Variants in DLGAP2 observed in about 807,000 individuals in gnomAD.
DLGAP2 encodes DLG associated protein 2.
Under a neutral mutation model 100.3 loss-of-function variants are expected in DLGAP2, and 26 were observed. The ratio of observed to expected loss-of-function variants is 0.26; its 90% CI spans 0.19 to 0.36. The LOEUF is 0.36. DLGAP2 is among the 10% of genes least tolerant of loss of function. DLGAP2 has a pLI of 1.00. For missense variants in DLGAP2, 1,858 were observed against 1,453.2 expected, an observed-to-expected ratio of 1.28 and a Z score of -4.53; for synonymous variants, 886 against 630.1, an observed-to-expected ratio of 1.41 and a Z score of -6.08.
intron 2 of DLGAP2, among the ~76,000 whole-genome samples, chr8:1,122,311 C>T (rs746364712): frequency 6.6e-5 from 10 of 152,146 alleles, no homozygotes; most frequent in Non-Finnish European, 1.3e-4. Context: ...ATCCTCTGGT[C>T]AGGACTGAAA....
At chr8:1,431,328 G>C (rs1212758355) in intron 3 of DLGAP2, among the ~76,000 whole-genome samples, 1 of 152,182 alleles carries the variant, frequency 6.6e-6, no homozygotes, top group Non-Finnish European at 1.5e-5. Flanking sequence ...TTTAGTAATA[G>C]AGTAGGGGCT....
intron 1 of DLGAP2, among the ~76,000 whole-genome samples, chr8:824,369 G>T (rs1396762641): frequency 6.6e-6 from 1 of 152,102 alleles, no homozygotes; most frequent in Non-Finnish European, 1.5e-5. Context: ...AGCCCACCAT[G>T]CCCGGGCACA....
chr8:1,059,701 C>T (rs1023069627), intron 2 of DLGAP2, among the ~76,000 whole-genome samples: 3 of 152,114 alleles, frequency 2.0e-5, no homozygotes, highest in Admixed American at 6.5e-5. Context: ...TGGACCAAGG[C>T]GCCCTCTTTG....
chr8:1,298,356 T>G (rs1180095554), intron 3 of DLGAP2, among the ~76,000 whole-genome samples: 1 of 152,144 alleles, frequency 6.6e-6, no homozygotes, highest in Non-Finnish European at 1.5e-5. Flanking sequence ...GCCGCGTCCT[T>G]CCACATGATG....
At chr8:1,144,520 C>G (rs1315906424) in intron 2 of DLGAP2, among the ~76,000 whole-genome samples, 2 of 152,202 alleles carry the variant, frequency 1.3e-5, no homozygotes, top group African/African-American at 2.4e-5. Context: ...ACAAAAGATT[C>G]TTGCTTTGTC....
At chr8:1,665,258 G>A (rs1798515411) in intron 8 of DLGAP2, among the ~76,000 whole-genome samples, 1 of 152,176 alleles carries the variant, frequency 6.6e-6, no homozygotes, top group Non-Finnish European at 1.5e-5. Flanking sequence ...AGTGAGGTCT[G>A]TGATTTTGAA....
chr8:1,033,838 G>A (rs34849077), intron 2 of DLGAP2, among the ~76,000 whole-genome samples: 189 of 49,972 alleles, frequency 3.8e-3, no homozygotes, highest in Middle Eastern at 0.014. Flanking sequence ...GCTCATCCCG[G>A]CCCCGCGTGT....
intron 3 of DLGAP2, among the ~76,000 whole-genome samples, chr8:1,386,963 A>C (rs1796235041): frequency 1.3e-5 from 2 of 152,240 alleles, no homozygotes; most frequent in African/African-American, 4.8e-5. Flanking sequence ...ATAATAGCTC[A>C]TTATGCAGAT....
chr8:1,249,099 G>T (rs1344097924), intron 2 of DLGAP2, among the ~76,000 whole-genome samples: 2 of 152,166 alleles, frequency 1.3e-5, no homozygotes, highest in East Asian at 3.9e-4. Context: ...AGTTCAACAC[G>T]AGTGTCCTGC....
intron 6 of DLGAP2, among the ~76,000 whole-genome samples, chr8:1,592,561 G>T (rs991385182): frequency 6.6e-6 from 1 of 152,020 alleles, no homozygotes; most frequent in African/African-American, 2.4e-5. Context: ...TCCTAGTCCA[G>T]CCGAGGGGGT....
intron 1 of DLGAP2, among the ~76,000 whole-genome samples, chr8:793,461 G>A (rs986844062): frequency 2.0e-5 from 3 of 152,210 alleles, no homozygotes; most frequent in African/African-American, 7.2e-5. Context: ...GGCTGCCATA[G>A]TCTGGGCTGG....
chr8:1,372,014 G>A (rs1474510229), intron 3 of DLGAP2, among the ~76,000 whole-genome samples: 1 of 152,246 alleles, frequency 6.6e-6, no homozygotes, highest in African/African-American at 2.4e-5. Flanking sequence ...GGTCAACTTA[G>A]TGGTGCAGCC....
At chr8:825,685 T>A (rs957741060) in intron 1 of DLGAP2, among the ~76,000 whole-genome samples, 6 of 152,230 alleles carry the variant, frequency 3.9e-5, no homozygotes, top group African/African-American at 1.4e-4. Flanking sequence ...TCTCATTGAT[T>A]TTCTTTTTTA....
chr8:1,255,950 C>T (rs1180482674), intron 2 of DLGAP2, among the ~76,000 whole-genome samples: 1 of 120,330 alleles, frequency 8.3e-6, no homozygotes, highest in Non-Finnish European at 1.6e-5. Flanking sequence ...TGCCTGGGTG[C>T]TGTGTGTGTG....
At chr8:1,263,726 T>TATTG (rs1799396945) in intron 3 of DLGAP2, among the ~76,000 whole-genome samples, 1 of 152,188 alleles carries the variant, frequency 6.6e-6, no homozygotes, top group African/African-American at 2.4e-5. Flanking sequence ...TGAAATTGCA[T>TATTG]ATTGAAGAGC....
At chr8:1,195,965 G>T (rs1797741300) in intron 2 of DLGAP2, among the ~76,000 whole-genome samples, 1 of 152,182 alleles carries the variant, frequency 6.6e-6, no homozygotes, top group Non-Finnish European at 1.5e-5. Context: ...TCCATGTTTG[G>T]ATTGTCACAC....
At chr8:1,166,449 G>A (rs1563226004) in intron 2 of DLGAP2, among the ~76,000 whole-genome samples, 1 of 152,198 alleles carries the variant, frequency 6.6e-6, no homozygotes, top group Non-Finnish European at 1.5e-5. Context: ...TCTCCAGGAA[G>A]GAGTGGGCAG....
intron 3 of DLGAP2, among the ~76,000 whole-genome samples, chr8:1,285,831 T>A (rs1179399830): frequency 6.6e-6 from 1 of 152,120 alleles, no homozygotes; most frequent in Non-Finnish European, 1.5e-5. Flanking sequence ...GAGCTGGGCG[T>A]AGTGGCACAC....
At chr8:1,078,192 A>C (rs1042758351) in intron 2 of DLGAP2, among the ~76,000 whole-genome samples, 1 of 152,182 alleles carries the variant, frequency 6.6e-6, no homozygotes, top group Non-Finnish European at 1.5e-5. Context: ...ACATTTATTC[A>C]TCTAGAACAT....
Sources: allele counts gnomAD v4.1 joint callset (sites outside exome capture counted in the v4.1 genomes callset), GRCh38; gene constraint gnomAD v4.1.1; transcripts MANE v1.5; gene names NCBI Gene and HGNC (gene_info 2026-07-23, HGNC 2026-07-21).